The following DNAJB6 variants were observed in gnomAD, a reference collection of about 807,000 sequenced individuals.
DNAJB6 encodes dnaJ homolog subfamily B member 6.
Under a neutral mutation model 42.7 loss-of-function variants are expected in DNAJB6, and 16 were observed. The ratio of observed to expected loss-of-function variants is 0.37; its 90% CI spans 0.25 to 0.57. The LOEUF (loss-of-function observed/expected upper bound fraction) is 0.57, where lower values mean the gene tolerates loss of function less well. Among genes scored for constraint, DNAJB6 ranks in the 20% least tolerant of loss-of-function variants. DNAJB6 has a pLI of 0.74. For missense variants in DNAJB6, 347 were observed against 416.8 expected (o/e 0.83, Z 1.46); for synonymous variants, 170 against 163.5 (o/e 1.04, Z -0.30).
chr7:157,370,131 G>A (rs926085575), intron 5 of DNAJB6, among the ~76,000 whole-genome samples: 4 of 131,490 alleles, frequency 3.0e-5, no homozygotes, highest in Admixed American at 2.3e-4. Context: ...TATTAAATGG[G>A]ACCCTTCTTA....
intron 8 of DNAJB6, among the ~76,000 whole-genome samples, chr7:157,399,778 C>CCT (rs1244447578): frequency 2.0e-5 from 3 of 152,164 alleles, no homozygotes; most frequent in Non-Finnish European, 4.4e-5. Flanking sequence ...AAGCAATTCT[C>CCT]CTGCCTTAGC....
intron 5 of DNAJB6, among the ~76,000 whole-genome samples, chr7:157,373,441 C>T (rs1029219283): frequency 2.0e-5 from 3 of 152,030 alleles, no homozygotes; most frequent in African/African-American, 7.2e-5. Context: ...ACTTCCGCCT[C>T]CCAGGTTCAA....
chr7:157,355,570 G>T (rs1397997496), intron 1 of DNAJB6, among the ~76,000 whole-genome samples: 1 of 152,176 alleles, frequency 6.6e-6, no homozygotes, highest in African/African-American at 2.4e-5. Context: ...TGTGGGTGGT[G>T]CTGTGGGTTT....
chr7:157,348,887 C>T (rs1043373092), intron 1 of DNAJB6, among the ~76,000 whole-genome samples: 1 of 152,194 alleles, frequency 6.6e-6, no homozygotes, highest in African/African-American at 2.4e-5. Flanking sequence ...TGAGCATACG[C>T]TGTTACTTGT....
At chr7:157,348,866 G>A (rs978149283) in intron 1 of DNAJB6, among the ~76,000 whole-genome samples, 2 of 152,072 alleles carry the variant, frequency 1.3e-5, no homozygotes, top group South Asian at 2.1e-4. Context: ...GTGTGCTGTC[G>A]TTATTTTGCC....
chr7:157,356,029 A>T (rs1799257978), intron 1 of DNAJB6, among the ~76,000 whole-genome samples: 1 of 152,244 alleles, frequency 6.6e-6, no homozygotes, highest in Non-Finnish European at 1.5e-5. Flanking sequence ...CAGATAGAAG[A>T]TGAGCTGTTT....
intron 1 of DNAJB6, among the ~76,000 whole-genome samples, chr7:157,344,041 T>C (rs570178498): frequency 2.0e-4 from 31 of 152,228 alleles, no homozygotes; most frequent in Admixed American, 1.4e-3. Flanking sequence ...ATAATTGTTA[T>C]TAGAAATGTT....
Position 157,385,534 on chromosome 7 carries a change from C to T in DNAJB6, c.621-7C>T. 6.2e-7 allele frequency: 1 copy of T among 1,607,740 alleles called. No individual in the cohort carries two copies. The highest frequency in any genetic ancestry group is 8.5e-7 in the Non-Finnish European group (1 of 1,178,062). On this transcript the variant is annotated splice_polypyrimidine_tract_variant and splice_region_variant and intron_variant, in intron 7 of 9. Coordinates refer to ENST00000262177, the MANE Select transcript of DNAJB6 (RefSeq NM_058246.4). ...GAAAGGTTTTTAAATGAATTTTTTT[C>T]CTACAGAATTGTCGAGAACGGTCAA...
intron 5 of DNAJB6, chr7:157,378,483 A>G (rs1328441591): frequency 1.3e-5 from 2 of 152,110 alleles, no homozygotes; most frequent in Non-Finnish European, 1.5e-5. Flanking sequence ...CCGCGGTCGG[A>G]GCCCCACGGG....
In DNAJB6 at chr7:157,339,626, TGTGTGTGTGTGTGTGTGTGTGA is replaced by T. The variant is rs1241576850; in HGVS notation, c.-27+2484_-27+2505del. Among the ~76,000 whole-genome samples the T allele has an allele frequency of 1.1e-3, 126 of 112,590 alleles. 1 individual carries two copies. The highest frequency in any genetic ancestry group is 6.1e-3 in the Admixed American group (61 of 10,076). 73.9% of individuals were successfully genotyped at this position (112,590 alleles called of 152,430 possible). A position where few individuals can be genotyped will look rare whatever the true frequency, so the allele number is the denominator to read the frequency against. On this transcript the variant is annotated intron_variant, in intron 1 of 9. Coordinates refer to ENST00000262177, the MANE Select transcript of DNAJB6 (RefSeq NM_058246.4). ...TTGTGTGTGTGTGTGTGTGTGTGTG[TGTGTGTGTGTGTGTGTGTGTGA>T]GATGGAGTTTAGCTCTTGCCCCTGC...
At chr7:157,378,543 AGTT>A (rs1285031622) in intron 5 of DNAJB6, 1 of 152,218 alleles carries the variant, frequency 6.6e-6, no homozygotes, top group Non-Finnish European at 1.5e-5. Context: ...TGCGCTGTAT[AGTT>A]GTGATGCCCA....
chr7:157,369,773 GCC>G (rs1800050871), intron 5 of DNAJB6, among the ~76,000 whole-genome samples: 3 of 144,070 alleles, frequency 2.1e-5, no homozygotes, highest in Admixed American at 6.9e-5. Context: ...TATTAAACAG[GCC>G]TTTCATAACA....
chr7:157,363,407 T>G lies in DNAJB6; in HGVS notation c.175+137T>G, dbSNP rs553936306. ...ATGCCTACTGGATTTTGGGCCCTTC[T>G]AAGAGATTTTTACTTTTCTCGTGAA... On this transcript the variant is annotated intron_variant, in intron 3 of 9. Coordinates refer to ENST00000262177, the MANE Select transcript of DNAJB6 (RefSeq NM_058246.4). 5 of 563,612 alleles carry G rather than the reference T, an allele frequency of 8.9e-6. No individual in the cohort carries two copies. The African/African-American group carries it at 9.4e-5, about 11-fold the overall frequency. The allele number at this position is 563,612 out of a possible 1,614,324, so 34.9% of individuals were successfully genotyped here.
chr7:157,371,233 G>T (rs562619351), intron 5 of DNAJB6, among the ~76,000 whole-genome samples: 1 of 152,350 alleles, frequency 6.6e-6, no homozygotes, highest in Admixed American at 6.5e-5. Flanking sequence ...AAAGGTTGGG[G>T]ACCGCTGTTG....
chr7:157,403,165 C>T (rs905408205), intron 8 of DNAJB6, among the ~76,000 whole-genome samples: 1 of 152,182 alleles, frequency 6.6e-6, no homozygotes, highest in East Asian at 1.9e-4. Flanking sequence ...TCATTGCATT[C>T]TATGAGTCTC....
chr7:157,354,773 A>G (rs1799186896), intron 1 of DNAJB6, among the ~76,000 whole-genome samples: 2 of 152,210 alleles, frequency 1.3e-5, no homozygotes, highest in Non-Finnish European at 2.9e-5. Context: ...TTTATTTCAG[A>G]GGTAGACTCG....
At chr7:157,410,224 C>A in intron 9 of DNAJB6, 1 of 1,131,648 alleles carries the variant, frequency 8.8e-7, no homozygotes, top group Middle Eastern at 3.0e-4. Flanking sequence ...ACGGGGTCCG[C>A]GTGTCCTGTA....
intron 8 of DNAJB6, among the ~76,000 whole-genome samples, chr7:157,394,077 T>A (rs1801474797): frequency 6.6e-6 from 1 of 152,256 alleles, no homozygotes; most frequent in Non-Finnish European, 1.5e-5. Flanking sequence ...ATCCTGAGTT[T>A]TTCTTCCTAT....
intron 1 of DNAJB6, among the ~76,000 whole-genome samples, chr7:157,346,657 T>TAAAAAA (rs1293310587): frequency 6.6e-6 from 1 of 152,196 alleles, no homozygotes; most frequent in Non-Finnish European, 1.5e-5. Flanking sequence ...CTGAGGTTAA[T>TAAAAAA]AAAAAAATTT....
Sources: allele counts gnomAD v4.1 joint callset (sites outside exome capture counted in the v4.1 genomes callset), GRCh38; gene constraint gnomAD v4.1.1; transcripts MANE v1.5; gene names NCBI Gene and HGNC (gene_info 2026-07-23, HGNC 2026-07-21).